Variants in RFX3 observed in about 807,000 individuals in gnomAD.
The protein encoded by RFX3 is regulatory factor X3, also known as transcription factor RFX3.
Under a neutral mutation model 98.6 loss-of-function variants are expected in RFX3, and 14 were observed. That is an observed-to-expected ratio of 0.14 (90% CI 0.09 to 0.22). The LOEUF (loss-of-function observed/expected upper bound fraction) is 0.22, where lower values mean the gene tolerates loss of function less well. RFX3 is among the 10% of genes least tolerant of loss of function. The pLI, the probability that RFX3 is intolerant of heterozygous loss-of-function variation, is 1.00. For synonymous variants in RFX3, 383 were observed against 328.4 expected (o/e 1.17, Z -1.80); for missense variants, 639 against 926.9 (o/e 0.69, Z 4.03).
At chr9:3,458,789 T>G (rs1046171547) in intron 1 of RFX3, among the ~76,000 whole-genome samples, 1 of 152,158 alleles carries the variant, frequency 6.6e-6, no homozygotes, top group African/African-American at 2.4e-5. Context: ...AAGAAAAGGC[T>G]AAGTATAAGA....
intron 15 of RFX3, chr9:3,247,756 T>A: frequency 1.3e-6 from 2 of 1,566,552 alleles, no homozygotes; most frequent in East Asian, 4.7e-5. Flanking sequence ...ATTCCAGTGG[T>A]TCTCAAGTTT....
intron 1 of RFX3, among the ~76,000 whole-genome samples, chr9:3,431,177 T>C (rs912624461): frequency 6.6e-6 from 1 of 152,202 alleles, no homozygotes; most frequent in African/African-American, 2.4e-5. Flanking sequence ...GAGCAGTTCA[T>C]CTTTCCAGTA....
chr9:3,491,684 G>C (rs1415524648), intron 1 of RFX3, among the ~76,000 whole-genome samples: 1 of 152,042 alleles, frequency 6.6e-6, no homozygotes, highest in Non-Finnish European at 1.5e-5. Flanking sequence ...ATCTCATTGT[G>C]AGCAAAAACC....
chr9:3,343,231 C>T (rs1834088616), intron 3 of RFX3, among the ~76,000 whole-genome samples: 2 of 152,120 alleles, frequency 1.3e-5, no homozygotes, highest in Admixed American at 1.3e-4. Context: ...AGAGCATTAG[C>T]GAGCTTACTA....
chr9:3,513,668 G>C (rs769706549), intron 1 of RFX3, among the ~76,000 whole-genome samples: 2 of 152,160 alleles, frequency 1.3e-5, no homozygotes, highest in African/African-American at 4.8e-5. Context: ...AGTGAGTGTT[G>C]CATCAGGATC....
At chr9:3,475,107 A>T (rs994544809) in intron 1 of RFX3, among the ~76,000 whole-genome samples, 1 of 151,300 alleles carries the variant, frequency 6.6e-6, no homozygotes, top group Non-Finnish European at 1.5e-5. Context: ...CTCCAAAAAA[A>T]AAAAAAGAAA....
intron 1 of RFX3, among the ~76,000 whole-genome samples, chr9:3,442,033 C>T (rs926555866): frequency 2.0e-5 from 3 of 152,028 alleles, no homozygotes; most frequent in Non-Finnish European, 4.4e-5. Context: ...AACCCTGTCT[C>T]TATTAAAAAT....
At chr9:3,492,937 G>A (rs1460621431) in intron 1 of RFX3, among the ~76,000 whole-genome samples, 1 of 152,124 alleles carries the variant, frequency 6.6e-6, no homozygotes, top group East Asian at 1.9e-4. Flanking sequence ...TCTTATTGGT[G>A]TCGGGGTGGG....
chr9:3,339,921 C>T (rs1364401779), intron 3 of RFX3, among the ~76,000 whole-genome samples: 1 of 151,864 alleles, frequency 6.6e-6, no homozygotes, highest in African/African-American at 2.4e-5. Context: ...TCATATGGAA[C>T]CAAAAAAGAG....
At chr9:3,378,848 G>A (rs556183892) in intron 2 of RFX3, among the ~76,000 whole-genome samples, 2 of 152,138 alleles carry the variant, frequency 1.3e-5, no homozygotes, top group East Asian at 3.9e-4. Context: ...GAACTACCAT[G>A]CCCGGCCTTC....
At chr9:3,513,332 C>G (rs1006701168) in intron 1 of RFX3, among the ~76,000 whole-genome samples, 1 of 152,010 alleles carries the variant, frequency 6.6e-6, no homozygotes, top group African/African-American at 2.4e-5. Flanking sequence ...CATATTTAGT[C>G]CCTGAAATGA....
chr9:3,231,950 T>C (rs1373265513), intron 15 of RFX3, among the ~76,000 whole-genome samples: 1 of 151,962 alleles, frequency 6.6e-6, no homozygotes, highest in Non-Finnish European at 1.5e-5. Flanking sequence ...GGAGAATCAC[T>C]TGAACCTGGG....
chr9:3,271,059 T>A lies in RFX3; in HGVS notation c.1146A>T (p.Thr382=). 6.2e-7 allele frequency: 1 copy of A among 1,613,920 alleles called. No homozygotes were observed. The highest frequency in any genetic ancestry group is 1.7e-4 in the Middle Eastern group (1 of 6,060). ...QFSLIEKLWQ[T]FWRYSPSTPT... is the part of the protein sequence containing the mutation. ...GAGTAGAGGGAGAATAGCGCCAGAA[T>A]GTTTGCCACAATTTTTCTATCAGGC... Residue 382 remains threonine (T), a synonymous_variant, in exon 10 of 17, where the codon ACA becomes ACT. Transcript: ENST00000617270.
At chr9:3,468,655 G>C (rs1423240215) in intron 1 of RFX3, among the ~76,000 whole-genome samples, 1 of 151,876 alleles carries the variant, frequency 6.6e-6, no homozygotes, top group South Asian at 2.1e-4. Flanking sequence ...TGACAGAAAA[G>C]GCAATGAATG....
chr9:3,312,069 C>T (rs924359659), intron 4 of RFX3, among the ~76,000 whole-genome samples: 2 of 152,088 alleles, frequency 1.3e-5, no homozygotes, highest in Non-Finnish European at 2.9e-5. Flanking sequence ...AGGTACTGAC[C>T]AGCATTTCTA....
At chr9:3,424,375 T>TTTG (rs1201684609) in intron 1 of RFX3, among the ~76,000 whole-genome samples, 2,666 of 129,572 alleles carry the variant, frequency 0.021, 44 homozygotes, top group Non-Finnish European at 0.034. Context: ...TTTTTTTTTT[T>TTTG]TTTTGAGACG....
At chr9:3,326,421 A>T (rs1328646271) in intron 4 of RFX3, among the ~76,000 whole-genome samples, 1 of 152,032 alleles carries the variant, frequency 6.6e-6, no homozygotes, top group Non-Finnish European at 1.5e-5. Flanking sequence ...TATTGTACCA[A>T]TTATTTCATC....
At chr9:3,443,227 T>G (rs1424187090) in intron 1 of RFX3, among the ~76,000 whole-genome samples, 1 of 152,214 alleles carries the variant, frequency 6.6e-6, no homozygotes, top group Non-Finnish European at 1.5e-5. Context: ...CAGCGGTATA[T>G]GTGCAGGATG....
At chr9:3,520,776 A>G (rs1587926599) in intron 1 of RFX3, among the ~76,000 whole-genome samples, 1 of 152,182 alleles carries the variant, frequency 6.6e-6, no homozygotes, top group Non-Finnish European at 1.5e-5. Flanking sequence ...CCTGGGCTAA[A>G]AAATTCTCTC....
Sources: gnomAD v4.1 joint callset for allele counts (sites outside exome capture counted in the v4.1 genomes callset) on GRCh38, gnomAD v4.1.1 for gene constraint, MANE v1.5 for transcripts, NCBI Gene and HGNC (gene_info 2026-07-23, HGNC 2026-07-21) for gene names.